The following C1orf21 variants were observed in gnomAD, a reference collection of about 807,000 sequenced individuals.
C1orf21 encodes the protein uncharacterized protein C1orf21.
A neutral mutation model predicts 18.7 loss-of-function variants in C1orf21; 3 were observed. That is an observed-to-expected ratio of 0.16 (90% confidence interval 0.07 to 0.42). The LOEUF (loss-of-function observed/expected upper bound fraction) is 0.42. C1orf21 is among the 10% of genes least tolerant of loss of function. The probability of loss-of-function intolerance (pLI) is 0.99; values close to 1 mark genes in which losing one functional copy is unlikely to be tolerated. For missense variants in C1orf21, 104 were observed against 143.6 expected (o/e 0.72, Z 1.41); for synonymous variants, 41 against 46.4 (o/e 0.88, Z 0.47).
chr1:184,589,340 G>A (rs868282600), intron 3 of C1orf21, among the ~76,000 whole-genome samples: 3 of 152,166 alleles, frequency 2.0e-5, no homozygotes, highest in Non-Finnish European at 4.4e-5. Flanking sequence ...TTAAAAACAC[G>A]TGAATGACTT....
At chr1:184,599,960 A>G (rs1558011865) in intron 5 of C1orf21, among the ~76,000 whole-genome samples, 1 of 152,186 alleles carries the variant, frequency 6.6e-6, no homozygotes, top group South Asian at 2.1e-4. Context: ...GATAAGGAAT[A>G]CTCAACCTGT....
chr1:184,517,453 A>C (rs571626896), intron 3 of C1orf21, among the ~76,000 whole-genome samples: 1 of 152,308 alleles, frequency 6.6e-6, no homozygotes, highest in South Asian at 2.1e-4. Context: ...GAGACCAACT[A>C]ATGCAAAAGA....
At chr1:184,513,482 G>A (rs1380563239) in intron 3 of C1orf21, among the ~76,000 whole-genome samples, 1 of 152,222 alleles carries the variant, frequency 6.6e-6, no homozygotes, top group African/African-American at 2.4e-5. Context: ...TGGTTGATAA[G>A]CGTATGAAAA....
chr1:184,479,575 C>G (rs1037136758), intron 2 of C1orf21, among the ~76,000 whole-genome samples: 1 of 150,840 alleles, frequency 6.6e-6, no homozygotes, highest in Non-Finnish European at 1.5e-5. Flanking sequence ...CTTTCTTTCT[C>G]CATGTTGTTT....
intron 2 of C1orf21, among the ~76,000 whole-genome samples, chr1:184,480,507 CA>C (rs1321686039): frequency 2.0e-5 from 3 of 152,112 alleles, no homozygotes; most frequent in Non-Finnish European, 2.9e-5. Context: ...CTTGTATAGC[CA>C]GGAAGACTCT....
chr1:184,502,814 A>C (rs1313442021), intron 2 of C1orf21, among the ~76,000 whole-genome samples: 2 of 152,088 alleles, frequency 1.3e-5, no homozygotes, highest in African/African-American at 4.8e-5. Context: ...ATGATGGCTT[A>C]CACCTGTAAT....
chr1:184,484,032 T>G (rs1308707847), intron 2 of C1orf21, among the ~76,000 whole-genome samples: 1 of 152,090 alleles, frequency 6.6e-6, no homozygotes, highest in East Asian at 1.9e-4. Context: ...CAAGCAATTC[T>G]CTTGCCTCAG....
intron 5 of C1orf21, among the ~76,000 whole-genome samples, chr1:184,609,265 A>T (rs1659693345): frequency 1.3e-5 from 2 of 152,154 alleles, no homozygotes; most frequent in Non-Finnish European, 1.5e-5. Flanking sequence ...ACTAATGGGG[A>T]CCTACCAAGT....
chr1:184,442,812 T>C (rs573087618), intron 1 of C1orf21, among the ~76,000 whole-genome samples: 7 of 152,262 alleles, frequency 4.6e-5, no homozygotes, highest in Non-Finnish European at 1.0e-4. Context: ...TAAAAAATTC[T>C]AAATCAAAGG....
At position 184,410,655 on chromosome 1, in the gene C1orf21, ATATATATATTT is replaced by A. The variant is rs1310956212; in HGVS notation, c.-125+23289_-125+23299del. ...TATATATATATATATATATATATAT[ATATATATATTT>A]TTTTTTTTTTTTTTTGAGATGGAGT... On this transcript the variant is annotated intron_variant, in intron 1 of 5. Transcript: ENST00000235307. Among the ~76,000 whole-genome samples, 6 of 5,850 alleles carry A rather than the reference ATATATATATTT, an allele frequency of 1.0e-3. 1 individual carries two copies. The highest frequency in any genetic ancestry group is 5.7e-3 in the Admixed American group (2 of 350). The allele number at this position is 5,850 out of a possible 152,430, so 3.8% of individuals were successfully genotyped here.
intron 3 of C1orf21, among the ~76,000 whole-genome samples, chr1:184,559,102 A>G (rs1463030593): frequency 6.6e-6 from 1 of 152,110 alleles, no homozygotes; most frequent in Non-Finnish European, 1.5e-5. Flanking sequence ...TAATTTGGAT[A>G]TTTGTCCCCA....
At position 184,536,600 on chromosome 1, in the gene C1orf21, G is replaced by A. The variant is rs143126621; in HGVS notation, c.189+28918G>A. 1.8e-3 allele frequency among the ~76,000 whole-genome samples: 280 copies of A among 152,304 alleles called. 1 individual carries two copies. Among genetic ancestry groups the A allele is most frequent in the Non-Finnish European group, 3.2e-3 (216 of 68,026 alleles). On this transcript the variant is annotated intron_variant, in intron 3 of 5. Transcript: ENST00000235307. ...ACTGCGATGTGTGTGTTAGGGAGGGGTAGATATCCGAGGACAACTAGTAGG... is the reference window on the plus strand; with the variant it reads ...ACTGCGATGTGTGTGTTAGGGAGGGATAGATATCCGAGGACAACTAGTAGG...
chr1:184,510,488 A>G (rs1190653829), intron 3 of C1orf21, among the ~76,000 whole-genome samples: 2 of 152,204 alleles, frequency 1.3e-5, no homozygotes, highest in Non-Finnish European at 2.9e-5. Flanking sequence ...GAACTCGTCT[A>G]TTGGGGCATC....
At chr1:184,575,819 C>G (rs1659181483) in intron 3 of C1orf21, among the ~76,000 whole-genome samples, 1 of 151,764 alleles carries the variant, frequency 6.6e-6, no homozygotes, top group Admixed American at 6.6e-5. Flanking sequence ...CCCCTTAATA[C>G]AGTGTAGGCG....
chr1:184,496,231 T>G (rs1321230858), intron 2 of C1orf21, among the ~76,000 whole-genome samples: 1 of 152,172 alleles, frequency 6.6e-6, no homozygotes, highest in Non-Finnish European at 1.5e-5. Context: ...AAAAGGAGAC[T>G]GAAGTCTTAG....
At chr1:184,585,652 G>A (rs1447796062) in intron 3 of C1orf21, among the ~76,000 whole-genome samples, 1 of 152,112 alleles carries the variant, frequency 6.6e-6, no homozygotes, top group Non-Finnish European at 1.5e-5. Context: ...CCCAGTGTGT[G>A]ATGTTCCCCT....
At chr1:184,497,468 C>T (rs1357442594) in intron 2 of C1orf21, among the ~76,000 whole-genome samples, 5 of 152,194 alleles carry the variant, frequency 3.3e-5, no homozygotes, top group South Asian at 4.1e-4. Flanking sequence ...GCTGCCTCCC[C>T]GCGTGCACAC....
chr1:184,615,389 T>A (rs1371048472), intron 5 of C1orf21, among the ~76,000 whole-genome samples: 1 of 152,176 alleles, frequency 6.6e-6, no homozygotes. Context: ...GTTTCTGTTC[T>A]CCCAGCTTTC....
chr1:184,562,732 CT>C (rs1350048223), intron 3 of C1orf21, among the ~76,000 whole-genome samples: 1 of 152,174 alleles, frequency 6.6e-6, no homozygotes, highest in Admixed American at 6.5e-5. Flanking sequence ...ACTTGATCAT[CT>C]TTATTCATTC....
Sources: allele counts gnomAD v4.1 joint callset (sites outside exome capture counted in the v4.1 genomes callset), GRCh38; gene constraint gnomAD v4.1.1; transcripts MANE v1.5; gene names NCBI Gene and HGNC (gene_info 2026-07-23, HGNC 2026-07-21).